Variants in SERPINB7 observed in about 807,000 individuals in gnomAD.
The protein encoded by SERPINB7 is serpin B7.
In SERPINB7, 31 loss-of-function variants were observed where a neutral mutation model predicts 37.4. That is an observed-to-expected ratio of 0.83 (90% CI 0.62 to 1.12). SERPINB7 has a LOEUF of 1.12. Among genes scored for constraint, SERPINB7 ranks in the 50% most tolerant of loss-of-function variants. The pLI is 0.00. For synonymous variants in SERPINB7, 163 were observed against 166.1 expected, an observed-to-expected ratio of 0.98 and a Z score of 0.14; for missense variants, 521 against 455.3, an observed-to-expected ratio of 1.14 and a Z score of -1.31.
chr18:63,796,153 G>A (rs1270186255), intron 4 of SERPINB7, 113 bp from the exon 5 acceptor site: 3 of 585,336 alleles, frequency 5.1e-6, no homozygotes, highest in Non-Finnish European at 9.1e-6. Flanking sequence ...TCATTTTTGA[G>A]GCAGAGTTGA....
chr18:63,763,468 C>T (rs1203188551), intron 1 of SERPINB7, among the ~76,000 whole-genome samples: 1 of 152,136 alleles, frequency 6.6e-6, no homozygotes, highest in Admixed American at 6.5e-5. Context: ...AAGTAATCCA[C>T]CTTTCATTTA....
chr18:63,797,935 T>A (rs1481765061), intron 5 of SERPINB7, among the ~76,000 whole-genome samples: 1 of 152,186 alleles, frequency 6.6e-6, no homozygotes, highest in Non-Finnish European at 1.5e-5. Context: ...CTCTTCCTGC[T>A]CCCCACTGTT....
rs1720856 is a variant in SERPINB7 at position 63,798,824 on chromosome 18, T to C, written c.597+78T>C. On this transcript the variant is annotated intron_variant, in intron 6 of 7. Transcript: ENST00000398019. ...TTGCAGGACTGTGATAGTTACATAGTAAACTCTAGGTTCACCGTTTTAAAC... is the reference window on the plus strand; with the variant it reads ...TTGCAGGACTGTGATAGTTACATAGCAAACTCTAGGTTCACCGTTTTAAAC... 0.079 allele frequency: 113,328 copies of C among 1,434,158 alleles called. 8,267 individuals carry two copies. The highest frequency in any genetic ancestry group is 0.38 in the East Asian group (15,916 of 42,126). 88.8% of individuals were successfully genotyped at this position (1,434,158 alleles called of 1,614,324 possible).
chr18:63,793,213 A>G lies in SERPINB7; in HGVS notation c.272A>G (p.His91Arg). 1 of 1,609,112 alleles carries G rather than the reference A, an allele frequency of 6.2e-7. No individual in the cohort carries two copies. The highest frequency in any genetic ancestry group is 8.5e-7 in the Non-Finnish European group (1 of 1,177,190). The change falls in exon 4 of 8, where the codon CAC (histidine) becomes CGC (arginine). Residue 91 changes from histidine (H) to arginine (R), a missense_variant. His to Arg is a conservative substitution (Grantham distance 29). Coordinates refer to ENST00000398019, the MANE Select transcript of SERPINB7 (RefSeq NM_003784.4). The stretch of plus-strand genomic sequence containing the variant: ...GTTTTTTCTGATATAAATGCATCCC[A>G]CAAGGATTATGATCTCAGCATTGTG... ...KRVFSDINAS[H>R]KDYDLSIVNG...
chr18:63,786,430 T>A (rs2049373993), intron 2 of SERPINB7, among the ~76,000 whole-genome samples: 2 of 151,834 alleles, frequency 1.3e-5, no homozygotes, highest in African/African-American at 4.8e-5. Flanking sequence ...AAGTTATGTT[T>A]GGATTACAAT....
intron 7 of SERPINB7, among the ~76,000 whole-genome samples, chr18:63,803,244 G>GA (rs939797793): frequency 2.1e-4 from 31 of 147,324 alleles, no homozygotes; most frequent in African/African-American, 5.2e-4. Context: ...TGCACTAAAT[G>GA]AAAAAAAAAA....
chr18:63,794,527 A>G (rs2049465359), intron 4 of SERPINB7, among the ~76,000 whole-genome samples: 1 of 151,924 alleles, frequency 6.6e-6, no homozygotes, highest in Non-Finnish European at 1.5e-5. Flanking sequence ...TGTCTCTACT[A>G]AAAATACAAA....
chr18:63,783,004 G>A (rs1279147517), intron 2 of SERPINB7, among the ~76,000 whole-genome samples: 1 of 151,524 alleles, frequency 6.6e-6, no homozygotes, highest in African/African-American at 2.4e-5. Flanking sequence ...CGGGCATGGT[G>A]GCGGGCGCCT....
chr18:63,779,090 A>G (rs1042092616), intron 1 of SERPINB7, among the ~76,000 whole-genome samples: 6 of 152,254 alleles, frequency 3.9e-5, no homozygotes, highest in Admixed American at 3.9e-4. Context: ...CATCTTCTTT[A>G]GGTAGCTTTA....
At chr18:63,794,796 GA>G (rs2049470005) in intron 4 of SERPINB7, among the ~76,000 whole-genome samples, 1 of 152,188 alleles carries the variant, frequency 6.6e-6, no homozygotes, top group Non-Finnish European at 1.5e-5. Flanking sequence ...ATCAGTAGAT[GA>G]AAAGAGCTGT....
intron 1 of SERPINB7, among the ~76,000 whole-genome samples, chr18:63,753,902 A>G (rs932643846): frequency 1.3e-5 from 2 of 152,224 alleles, no homozygotes; most frequent in African/African-American, 4.8e-5. Context: ...CCATCTTATA[A>G]CTGTCTTCTA....
intron 1 of SERPINB7, among the ~76,000 whole-genome samples, chr18:63,756,674 C>A (rs1210206427): frequency 6.6e-6 from 1 of 152,084 alleles, no homozygotes; most frequent in Non-Finnish European, 1.5e-5. Flanking sequence ...GAAGAAGATT[C>A]TGTGAGATTA....
intron 5 of SERPINB7, 98 bp downstream of exon 5, chr18:63,796,481 C>T: frequency 1.6e-6 from 1 of 643,762 alleles, no homozygotes; most frequent in Non-Finnish European, 2.8e-6. Flanking sequence ...CAAGGAACAG[C>T]TCCTCCTAGT....
chr18:63,790,819 A>G (rs578198755), intron 2 of SERPINB7, among the ~76,000 whole-genome samples: 1 of 152,292 alleles, frequency 6.6e-6, no homozygotes, highest in South Asian at 2.1e-4. Flanking sequence ...AAATCATTCT[A>G]CTATAAAGAC....
At chr18:63,756,323 T>C (rs756049500) in intron 1 of SERPINB7, among the ~76,000 whole-genome samples, 9 of 152,188 alleles carry the variant, frequency 5.9e-5, no homozygotes, top group Non-Finnish European at 1.2e-4. Context: ...CAGAAAATCA[T>C]TAGACTGTGT....
At chr18:63,767,574 A>T (rs1201189692) in intron 1 of SERPINB7, among the ~76,000 whole-genome samples, 1 of 152,100 alleles carries the variant, frequency 6.6e-6, no homozygotes, top group Non-Finnish European at 1.5e-5. Flanking sequence ...ATGCTTTCTA[A>T]TATTGAACCA....
intron 2 of SERPINB7, among the ~76,000 whole-genome samples, chr18:63,786,388 C>G (rs147129704): frequency 1.0e-3 from 158 of 151,130 alleles, no homozygotes; most frequent in African/African-American, 3.3e-3. Flanking sequence ...GAAATATATA[C>G]GTATACACAC....
At chr18:63,801,083 G>A (rs1450336861) in intron 7 of SERPINB7, 71 bp downstream of exon 7, 5 of 1,447,082 alleles carry the variant, frequency 3.5e-6, no homozygotes, top group Middle Eastern at 2.0e-4. Context: ...AGTTTTCACT[G>A]ATAAACTGTA....
At chr18:63,759,642 A>C (rs923710052) in intron 1 of SERPINB7, among the ~76,000 whole-genome samples, 1 of 152,076 alleles carries the variant, frequency 6.6e-6, no homozygotes, top group Non-Finnish European at 1.5e-5. Flanking sequence ...TCTCCACCCA[A>C]ATTCTCATCT....
Sources: allele counts gnomAD v4.1 joint callset (sites outside exome capture counted in the v4.1 genomes callset), GRCh38; gene constraint gnomAD v4.1.1; transcripts MANE v1.5; gene names NCBI Gene and HGNC (gene_info 2026-07-23, HGNC 2026-07-21).